NALF2: variants seen among roughly 807,000 people sequenced by gnomAD.
NALF2 encodes the protein bB57D9.1 (TED protein).
Under a neutral mutation model 24.8 loss-of-function variants are expected in NALF2, and 1 was observed. That is an observed-to-expected ratio of 0.04 (90% CI 0.01 to 0.19). NALF2 has a LOEUF of 0.19. Among genes scored for constraint, NALF2 ranks in the 10% least tolerant of loss-of-function variants. The probability of loss-of-function intolerance (pLI) is 1.00; values close to 1 mark genes in which losing one functional copy is unlikely to be tolerated. For missense variants in NALF2, 458 were observed against 409.6 expected (o/e 1.12, Z -1.02); for synonymous variants, 254 against 189.8 (o/e 1.34, Z -2.78).
chrX:69,504,530 TAAGTA>T lies in NALF2; in HGVS notation c.-749_-745del, dbSNP rs1337573603. ...CGAGAGGCGGAAGCGAGAGGCGCAC[TAAGTA>T]AAGCCCGGTGTCTGCGTCCGGCGCC... On this transcript the variant is annotated 5_prime_UTR_variant, in exon 1 of 3. Transcript: ENST00000252338. Among the ~76,000 whole-genome samples the T allele has an allele frequency of 8.9e-6, 1 of 112,819 alleles. No individual in the cohort carries two copies. The highest frequency in any genetic ancestry group is 3.2e-5 in the African/African-American group (1 of 31,181).
Position 69,530,207 on chromosome X carries a change from C to T in NALF2, c.*251C>T. 2.8e-6 allele frequency: 1 copy of T among 351,626 alleles called. No homozygotes were observed. The highest frequency in any genetic ancestry group is 4.9e-6 in the Non-Finnish European group (1 of 203,438). 29.0% of individuals were successfully genotyped at this position (351,626 alleles called of 1,213,427 possible). A position where few individuals can be genotyped will look rare whatever the true frequency, so the allele number is the denominator to read the frequency against. On this transcript the variant is annotated 3_prime_UTR_variant, in exon 3 of 3. Transcript: ENST00000252338. ...AGCAGCAAGTGACCCCTCCCAAGCT[C>T]CCATCTATGGGGCTTAGCAAAAAAA...
At chrX:69,520,934 G>A (rs1387930897) in intron 1 of NALF2, among the ~76,000 whole-genome samples, 4 of 111,832 alleles carry the variant, frequency 3.6e-5, no homozygotes, top group African/African-American at 1.3e-4. Flanking sequence ...ACTGATCTCT[G>A]TGCCTCCGGT....
rs748580561 is a variant in NALF2, at chrX:69,531,112, C to G, written c.*1156C>G. ...GCCTCCCCTATCCCCACCCTGTCCC[C>G]GTCCCCAGCCTACCAAAGAGTATTC... On this transcript the variant is annotated 3_prime_UTR_variant, in exon 3 of 3. Transcript: ENST00000252338. 2 of 112,387 alleles carry G rather than the reference C, an allele frequency of 1.8e-5. No individual in the cohort carries two copies. Among genetic ancestry groups the G allele is most frequent in the South Asian group, 7.6e-4 (2 of 2,640 alleles). The allele number at this position is 112,387 out of a possible 1,213,427, so 9.3% of individuals were successfully genotyped here.
rs1479187985 is a variant in NALF2 at position 69,529,776 on chromosome X, C to G, written c.1239C>G (p.Asn413Lys). Reference sequence around the variant, plus strand: ...ATGATCCCCCAGGCCGTGTCAGCAACAAGCCCGCCCTGCTGCCGGTCTCTG... The same window carrying G: ...ATGATCCCCCAGGCCGTGTCAGCAAGAAGCCCGCCCTGCTGCCGGTCTCTG... ...PHHDPPGRVS[N>K]KPALLPVSGG... Residue 413 changes from asparagine to lysine, a missense_variant, in exon 3 of 3, where the codon AAC (asparagine) becomes AAG (lysine). Transcript: ENST00000252338. 2 of 1,211,739 alleles carry G rather than the reference C, an allele frequency of 1.7e-6. No homozygotes were observed. The highest frequency in any genetic ancestry group is 3.5e-5 in the South Asian group (2 of 56,944).
intron 1 of NALF2, among the ~76,000 whole-genome samples, chrX:69,526,146 A>T: frequency 8.9e-6 from 1 of 111,942 alleles, no homozygotes; most frequent in Non-Finnish European, 1.9e-5. Flanking sequence ...GAGATCACCA[A>T]TGCCCTTTTC....
At chrX:69,514,993 T>A (rs905229225) in intron 1 of NALF2, among the ~76,000 whole-genome samples, 2 of 112,357 alleles carry the variant, frequency 1.8e-5, no homozygotes, top group African/African-American at 3.2e-5. Context: ...TATTGACATT[T>A]ATGTTACTTC....
At chrX:69,506,794 G>C (rs187066762) in intron 1 of NALF2, among the ~76,000 whole-genome samples, 1,492 of 112,622 alleles carry the variant, frequency 0.013, 12 homozygotes, top group Middle Eastern at 0.041. Flanking sequence ...AGGGAACAGC[G>C]ACTGGTGGGA....
chrX:69,523,333 G>T (rs1022381671), intron 1 of NALF2, among the ~76,000 whole-genome samples: 1 of 112,182 alleles, frequency 8.9e-6, no homozygotes, highest in Non-Finnish European at 1.9e-5. Context: ...GGATGTAAAA[G>T]TCTTCTTTCT....
Position 69,530,021 on chromosome X carries a change from G to A in NALF2, c.*65G>A. The A allele has an allele frequency of 3.3e-6, 3 of 909,739 alleles. No homozygotes were observed. The highest frequency in any genetic ancestry group is 3.0e-6 in the Non-Finnish European group (2 of 665,634). 75.0% of individuals were successfully genotyped at this position (909,739 alleles called of 1,213,427 possible). A position where few individuals can be genotyped will look rare whatever the true frequency, so the allele number is the denominator to read the frequency against. On this transcript the variant is annotated 3_prime_UTR_variant, in exon 3 of 3. Coordinates refer to ENST00000252338, the MANE Select transcript of NALF2 (RefSeq NM_015686.3). Reference sequence around the variant, plus strand: ...AGCTCCAGCTCCCCCAGGTTGGGGGGGAGGGGGCTCCTCCCATGGGAGGTG... The same window carrying A: ...AGCTCCAGCTCCCCCAGGTTGGGGGAGAGGGGGCTCCTCCCATGGGAGGTG...
rs1221043129 is a variant in NALF2 at position 69,529,871 on chromosome X, T to C, written c.1334T>C (p.Val445Ala). 8.3e-7 allele frequency: 1 copy of C among 1,211,487 alleles called. No homozygotes were observed. The change falls in exon 3 of 3, where the codon GTG (valine) becomes GCG (alanine). Residue 445 changes from valine (V) to alanine (A), a missense_variant. Val to Ala is a moderately conservative substitution (Grantham distance 64, BLOSUM62 0). Transcript: ENST00000252338. ...GTTCTCATGCTCCTCCATACCGTGGTGTCCTTCTCCAGCAACCAGGGTGGT... is the reference window on the plus strand; with the variant it reads ...GTTCTCATGCTCCTCCATACCGTGGCGTCCTTCTCCAGCAACCAGGGTGGT... ...VLVLMLLHTV[V>A]SFSSNQGGGG...
chrX:69,526,460 G>T (rs1050494744), intron 1 of NALF2, among the ~76,000 whole-genome samples: 48 of 112,059 alleles, frequency 4.3e-4, no homozygotes, highest in Non-Finnish European at 4.9e-4. Context: ...TGAGCGTAGG[G>T]ACATGTCCTC....
Position 69,505,335 on chromosome X carries a change from T to A in NALF2, c.53T>A (p.Ile18Asn). The change falls in exon 1 of 3, where the codon ATC becomes AAC. Residue 18 changes from isoleucine to asparagine, a missense_variant. By Grantham distance (149) the Ile-to-Asn change is moderately radical. Coordinates refer to ENST00000252338, the MANE Select transcript of NALF2 (RefSeq NM_015686.3). ...WPGKDAAALT[I>N]CCCCCCWAPR... ...GGGAAAGACGCCGCCGCGCTGACTA[T>A]CTGCTGCTGCTGCTGCTGCTGGGCT... The A allele has an allele frequency of 8.7e-7, 1 of 1,150,631 alleles. No individual in the cohort carries two copies. Among genetic ancestry groups the A allele is most frequent in the Non-Finnish European group, 1.2e-6 (1 of 864,383 alleles). The allele number at this position is 1,150,631 out of a possible 1,213,427, so 94.8% of individuals were successfully genotyped here. A position where few individuals can be genotyped will look rare whatever the true frequency, so the allele number is the denominator to read the frequency against.
chrX:69,530,198 TC>T lies in NALF2; in HGVS notation c.*245del. 1 of 348,863 alleles carries T rather than the reference TC, an allele frequency of 2.9e-6. No individual in the cohort carries two copies. The highest frequency in any genetic ancestry group is 4.6e-5 in the East Asian group (1 of 21,914). 28.8% of individuals were successfully genotyped at this position (348,863 alleles called of 1,213,427 possible). A position where few individuals can be genotyped will look rare whatever the true frequency, so the allele number is the denominator to read the frequency against. On this transcript the variant is annotated 3_prime_UTR_variant, in exon 3 of 3. Coordinates refer to ENST00000252338, the MANE Select transcript of NALF2 (RefSeq NM_015686.3). ...AAAGGCAGGAGCAGCAAGTGACCCC[TC>T]CCAAGCTCCCATCTATGGGGCTTAG... is the stretch of plus-strand genomic sequence containing the variant.
intron 1 of NALF2, among the ~76,000 whole-genome samples, chrX:69,507,638 G>A (rs1452313784): frequency 9.0e-6 from 1 of 111,101 alleles, no homozygotes; most frequent in Non-Finnish European, 1.9e-5. Flanking sequence ...ATCTCCCCAT[G>A]GTATCAGAGA....
intron 1 of NALF2, among the ~76,000 whole-genome samples, chrX:69,508,387 G>A (rs1930527325): frequency 1.8e-5 from 2 of 110,638 alleles, no homozygotes; most frequent in Admixed American, 9.6e-5. Flanking sequence ...TCCAGCCCAC[G>A]TGTTTTGGTG....
intron 1 of NALF2, among the ~76,000 whole-genome samples, chrX:69,516,740 G>A (rs571084277): frequency 2.7e-5 from 3 of 111,787 alleles, no homozygotes; most frequent in African/African-American, 6.5e-5. Context: ...GCTGATGGGC[G>A]CAGAAGAAGC....
intron 1 of NALF2, among the ~76,000 whole-genome samples, chrX:69,513,754 T>C (rs1411691615): frequency 9.0e-6 from 1 of 111,171 alleles, no homozygotes; most frequent in Non-Finnish European, 1.9e-5. Context: ...TGGTAAAATG[T>C]ACATAACATA....
chrX:69,507,492 G>A (rs1195848090), intron 1 of NALF2, among the ~76,000 whole-genome samples: 2 of 110,891 alleles, frequency 1.8e-5, no homozygotes, highest in African/African-American at 6.6e-5. Flanking sequence ...CTTCTTAAAG[G>A]TATACAGACA....
chrX:69,505,245 C>A lies in NALF2; in HGVS notation c.-38C>A. ...CGCCCCAGACGGCCGTCTGGCCTCG[C>A]GCCTGCCTGTTCCCTCCAGCCCGGA... is the stretch of plus-strand genomic sequence containing the variant. On this transcript the variant is annotated 5_prime_UTR_variant, in exon 1 of 3. Transcript: ENST00000252338. 1 of 1,112,612 alleles carries A rather than the reference C, an allele frequency of 9.0e-7. No homozygotes were observed. Among genetic ancestry groups the A allele is most frequent in the South Asian group, 2.1e-5 (1 of 46,733 alleles). The allele number at this position is 1,112,612 out of a possible 1,213,427, so 91.7% of individuals were successfully genotyped here.
Sources: allele counts gnomAD v4.1 joint callset (sites outside exome capture counted in the v4.1 genomes callset), GRCh38; gene constraint gnomAD v4.1.1; transcripts MANE v1.5; gene names NCBI Gene and HGNC (gene_info 2026-07-23, HGNC 2026-07-21).